The following ARL2BP variants were observed in gnomAD, a reference collection of about 807,000 sequenced individuals.
ARL2BP encodes the protein ADP-ribosylation factor-like protein 2-binding protein.
Under a neutral mutation model 24.2 loss-of-function variants are expected in ARL2BP, and 19 were observed. The ratio of observed to expected loss-of-function variants is 0.79; its 90% CI spans 0.55 to 1.15. The LOEUF (loss-of-function observed/expected upper bound fraction) is 1.15. ARL2BP is among the 50% of genes most tolerant of loss of function. ARL2BP has a pLI of 0.00. For synonymous variants in ARL2BP, 56 were observed against 70.5 expected (o/e 0.79, Z 1.03); for missense variants, 160 against 190.4 (o/e 0.84, Z 0.94).
At position 57,252,300 on chromosome 16, in the gene ARL2BP, T is replaced by C. The variant is rs374786028; in HGVS notation, c.*33T>C. On this transcript the variant is annotated 3_prime_UTR_variant, in exon 6 of 6. Coordinates refer to ENST00000219204, the MANE Select transcript of ARL2BP (RefSeq NM_012106.4). The stretch of plus-strand genomic sequence containing the variant: ...CTCCAGCCAATGAATGGGATCATTC[T>C]GGATGTCACCAGCCCAATAGGCTCA... The C allele has an allele frequency of 6.5e-5, 105 of 1,614,078 alleles. No individual in the cohort carries two copies. The highest frequency in any genetic ancestry group is 8.8e-5 in the Non-Finnish European group (104 of 1,180,040).
At chr16:57,250,006 C>A in intron 4 of ARL2BP, 154 bp downstream of exon 4, 1 of 683,530 alleles carries the variant, frequency 1.5e-6, no homozygotes. Context: ...TTAATGAAAT[C>A]TTGAAAAGAT....
At chr16:57,250,534 C>T in intron 5 of ARL2BP, 27 bp downstream of exon 5, 2 of 1,557,944 alleles carry the variant, frequency 1.3e-6, no homozygotes, top group Middle Eastern at 1.7e-4. Flanking sequence ...ATTTATTTAG[C>T]CACTTTGAGC....
At chr16:57,251,520 A>G (rs1295846389) in intron 5 of ARL2BP, 1 of 150,602 alleles carries the variant, frequency 6.6e-6, no homozygotes, top group Admixed American at 6.6e-5. Flanking sequence ...TTGGGGCTGT[A>G]TTACACAGCA....
chr16:57,248,772 G>C, intron 3 of ARL2BP, 129 bp downstream of exon 3: 1 of 491,670 alleles, frequency 2.0e-6, no homozygotes, highest in Non-Finnish European at 3.6e-6. Flanking sequence ...ATCCTCATTA[G>C]CATCTGGTTT....
chr16:57,245,482 A>C, intron 1 of ARL2BP, 77 bp downstream of exon 1: 6 of 1,548,642 alleles, frequency 3.9e-6, no homozygotes, highest in Non-Finnish European at 4.4e-6. Flanking sequence ...GACCCTATAA[A>C]ACAGGTGTCC....
intron 2 of ARL2BP, among the ~76,000 whole-genome samples, chr16:57,247,977 C>T (rs1223053131): frequency 1.3e-5 from 2 of 151,868 alleles, no homozygotes; most frequent in Non-Finnish European, 2.9e-5. Context: ...TGTGCTTAAA[C>T]ATTAAAATGA....
chr16:57,248,510 GAAT>G (rs1364315731), intron 2 of ARL2BP, 24 bp from the exon 3 acceptor site: 1 of 1,410,570 alleles, frequency 7.1e-7, no homozygotes, highest in Middle Eastern at 2.5e-4. Flanking sequence ...CCATTAAAAA[GAAT>G]AAATTTTCCC....
At position 57,253,162 on chromosome 16, in the gene ARL2BP, CAT is replaced by C. The variant is rs1477909577; in HGVS notation, c.*898_*899del. ...GCTGTGTGCTAGAAATAGACTAAAACATATTCCTATAGCATGTTAGTGTGTTT... is the reference window on the plus strand; with the variant it reads ...GCTGTGTGCTAGAAATAGACTAAAACATTCCTATAGCATGTTAGTGTGTTT... On this transcript the variant is annotated 3_prime_UTR_variant, in exon 6 of 6. Transcript: ENST00000219204. The C allele has an allele frequency of 6.6e-6, 1 of 152,602 alleles. No individual in the cohort carries two copies. Among genetic ancestry groups the C allele is most frequent in the African/African-American group, 2.4e-5 (1 of 41,436 alleles). 9.5% of individuals were successfully genotyped at this position (152,602 alleles called of 1,614,324 possible). A position where few individuals can be genotyped will look rare whatever the true frequency, so the allele number is the denominator to read the frequency against.
Position 57,249,862 on chromosome 16 carries a change from G to A in ARL2BP, c.293+10G>A. ...TCACCACAACATTACAGTGAGTTGA[G>A]CTTGACTGATTTTTGTGTTTTGTTT... On this transcript the variant is annotated intron_variant, in intron 4 of 5. Transcript: ENST00000219204. 6.2e-7 allele frequency: 1 copy of A among 1,613,034 alleles called. No homozygotes were observed. Among genetic ancestry groups the A allele is most frequent in the Non-Finnish European group, 8.5e-7 (1 of 1,178,996 alleles).
At chr16:57,248,258 A>C (rs2075396176) in intron 2 of ARL2BP, 1 of 182,470 alleles carries the variant, frequency 5.5e-6, no homozygotes, top group South Asian at 1.4e-4. Context: ...GGTTGCAGTG[A>C]ACCGAGATCG....
At position 57,251,627 on chromosome 16, in the gene ARL2BP, C is replaced by T. The variant is rs145338123; in HGVS notation, c.391-539C>T. The T allele has an allele frequency of 6.6e-3, 996 of 151,182 alleles. 3 individuals are homozygous for T. The highest frequency in any genetic ancestry group is 0.011 in the Non-Finnish European group (758 of 68,092). 9.4% of individuals were successfully genotyped at this position (151,182 alleles called of 1,614,324 possible). ...AAAAGAAAGAAAGAAAAATGTTTTCCAGTGAAGGGAGGTACATTTTAAGAG... is the reference window on the plus strand; with the variant it reads ...AAAAGAAAGAAAGAAAAATGTTTTCTAGTGAAGGGAGGTACATTTTAAGAG... On this transcript the variant is annotated intron_variant, in intron 5 of 5. Coordinates refer to ENST00000219204, the MANE Select transcript of ARL2BP (RefSeq NM_012106.4).
intron 2 of ARL2BP, 158 bp from the exon 3 acceptor site, chr16:57,248,379 A>G: frequency 2.5e-6 from 1 of 407,652 alleles, no homozygotes; most frequent in Non-Finnish European, 4.5e-6. Context: ...CTATTTCCAC[A>G]TCAGGGTCCC....
At position 57,250,490 on chromosome 16, in the gene ARL2BP, T is replaced by C; in HGVS notation, c.373T>C (p.Phe125Leu). The C allele has an allele frequency of 6.2e-7, 1 of 1,613,516 alleles. No homozygotes were observed. Among genetic ancestry groups the C allele is most frequent in the Non-Finnish European group, 8.5e-7 (1 of 1,179,520 alleles). Residue 125 changes from phenylalanine (F) to leucine (L), a missense_variant, in exon 5 of 6, where the codon TTT becomes CTT. Coordinates refer to ENST00000219204, the MANE Select transcript of ARL2BP (RefSeq NM_012106.4). ...FTDFLAFKEM[F>L]LDYRAEKEGR... ...AGATTTTCTGGCTTTTAAAGAAATGTTTTTGGACTACAGAGCAGTAAGTTA... is the reference window on the plus strand; with the variant it reads ...AGATTTTCTGGCTTTTAAAGAAATGCTTTTGGACTACAGAGCAGTAAGTTA...
At chr16:57,247,485 GAC>G (rs2075393889) in intron 2 of ARL2BP, 1 of 151,612 alleles carries the variant, frequency 6.6e-6, no homozygotes, top group Admixed American at 6.6e-5. Context: ...AGGAGTTCGA[GAC>G]CAGCCTAGGC....
chr16:57,246,889 TG>T (rs1483516411), intron 2 of ARL2BP, among the ~76,000 whole-genome samples: 5 of 152,244 alleles, frequency 3.3e-5, no homozygotes, highest in African/African-American at 1.2e-4. Flanking sequence ...AAGCTTCAGC[TG>T]GTTCTGTATT....
At chr16:57,249,641 G>C (rs1315879472) in intron 3 of ARL2BP, 126 bp from the exon 4 acceptor site, 2 of 727,956 alleles carry the variant, frequency 2.7e-6, no homozygotes, top group Non-Finnish European at 4.8e-6. Flanking sequence ...TGGTATCCTT[G>C]GCACTCAGTG....
chr16:57,250,470 T>G lies in ARL2BP; in HGVS notation c.353T>G (p.Phe118Cys). Residue 118 changes from phenylalanine (F) to cysteine (C), a missense_variant, in exon 5 of 6, where the codon TTT becomes TGT. Physicochemically the swap from Phe to Cys is radical, Grantham distance 205. Transcript: ENST00000219204. ...IFDMLLTFTD[F>C]LAFKEMFLDY... ...GACATGCTGCTCACCTTCACAGATT[T>G]TCTGGCTTTTAAAGAAATGTTTTTG... is the stretch of plus-strand genomic sequence containing the variant. The G allele has an allele frequency of 6.2e-7, 1 of 1,614,220 alleles. No individual in the cohort carries two copies. Among genetic ancestry groups the G allele is most frequent in the East Asian group, 2.2e-5 (1 of 44,890 alleles).
intron 4 of ARL2BP, 96 bp downstream of exon 4, chr16:57,249,948 G>A (rs2075402281): frequency 6.1e-6 from 7 of 1,142,146 alleles, no homozygotes; most frequent in South Asian, 5.0e-5. Flanking sequence ...TTGTTTTCCT[G>A]TGCATGCCGT....
chr16:57,249,460 G>A, intron 3 of ARL2BP: 1 of 343,712 alleles, frequency 2.9e-6, no homozygotes. Context: ...AGGAGGCAAA[G>A]CCCCCACTTA....
Sources: allele counts gnomAD v4.1 joint callset (sites outside exome capture counted in the v4.1 genomes callset), GRCh38; gene constraint gnomAD v4.1.1; transcripts MANE v1.5; gene names NCBI Gene and HGNC (gene_info 2026-07-23, HGNC 2026-07-21).